Variants in ASB2 observed in about 807,000 individuals in gnomAD.
ASB2 encodes the protein ankyrin repeat and SOCS box containing 2.
ASB2 carries 58 observed loss-of-function variants against 62.4 expected under a neutral mutation model. The ratio of observed to expected loss-of-function variants is 0.93; its 90% CI spans 0.75 to 1.16. The LOEUF (loss-of-function observed/expected upper bound fraction) is 1.16. ASB2 is among the 50% of genes most tolerant of loss of function. The pLI is 0.00. For missense variants in ASB2, 928 were observed against 887.9 expected (o/e 1.05, Z -0.57); for synonymous variants, 386 against 385.3 (o/e 1.00, Z -0.02).
At position 93,939,349 on chromosome 14, in the gene ASB2, A is replaced by AGCT; in HGVS notation, c.1373_1375dup (p.Gln458dup). On this transcript the variant is annotated inframe_insertion, in exon 8 of 10. Transcript: ENST00000555019. The stretch of plus-strand genomic sequence containing the variant: ...GATGTTCGCGCCGTGGTCCAGCAGC[A>AGCT]GCTGCATTGTGCGCAGGCAGCCGTG... 1 of 1,612,530 alleles carries AGCT rather than the reference A, an allele frequency of 6.2e-7. No individual in the cohort carries two copies.
chr14:93,936,493 A>G (rs990218705), intron 9 of ASB2, among the ~76,000 whole-genome samples: 6 of 152,204 alleles, frequency 3.9e-5, no homozygotes, highest in Admixed American at 2.0e-4. Flanking sequence ...CTAATTATTC[A>G]TTAGTTCCCT....
intron 2 of ASB2, among the ~76,000 whole-genome samples, chr14:93,961,841 A>G (rs971521554): frequency 6.6e-6 from 1 of 152,194 alleles, no homozygotes; most frequent in Non-Finnish European, 1.5e-5. Context: ...TAATGAGGTC[A>G]AAACTTCACC....
chr14:93,951,205 A>G lies in ASB2; in HGVS notation c.674T>C (p.Val225Ala), dbSNP rs753479553. Residue 225 changes from valine (V) to alanine (A), a missense_variant, in exon 6 of 10, where the codon GTG becomes GCG. By Grantham distance (64) the Val-to-Ala change is moderately conservative. Transcript: ENST00000555019. ...GTGGTTGGTGTCTGCATTGTGCTGCACCAGAATCTTCACGGCCTCCGCGTT... is the reference window on the plus strand; with the variant it reads ...GTGGTTGGTGTCTGCATTGTGCTGCGCCAGAATCTTCACGGCCTCCGCGTT... ...RKNAEAVKILVQHNADTNHRC... is the reference protein window; with the variant it reads ...RKNAEAVKILAQHNADTNHRC... The G allele has an allele frequency of 6.2e-6, 10 of 1,610,606 alleles. No individual in the cohort carries two copies. The South Asian group carries it at 9.9e-5, about 16-fold the overall frequency.
At position 93,937,740 on chromosome 14, in the gene ASB2, T is replaced by C. The variant is rs1888321255; in HGVS notation, c.1729A>G (p.Ile577Val). 1.2e-6 allele frequency: 2 copies of C among 1,612,868 alleles called. No homozygotes were observed. The highest frequency in any genetic ancestry group is 2.2e-5 in the South Asian group (2 of 91,062). ...ACGGCCCAGTCCTCAAAGCTGTCGA[T>C]GTGTTCCTTCAGCCGCGAGCAGAGC... is the stretch of plus-strand genomic sequence containing the variant. The part of the protein sequence containing the change: ...VQLCSRLKEH[I>V]DSFEDWAVIK... The change falls in exon 9 of 10, where the codon ATC (isoleucine) becomes GTC (valine). Residue 577 changes from isoleucine to valine, a missense_variant. Ile to Val is a conservative substitution (Grantham distance 29, BLOSUM62 3). Coordinates refer to ENST00000555019, the MANE Select transcript of ASB2 (RefSeq NM_001202429.2).
At chr14:93,962,634 C>T (rs964762797) in intron 2 of ASB2, among the ~76,000 whole-genome samples, 1 of 152,190 alleles carries the variant, frequency 6.6e-6, no homozygotes, top group African/African-American at 2.4e-5. Flanking sequence ...TTTCCTTACC[C>T]TCCAGATGAA....
intron 5 of ASB2, 97 bp downstream of exon 5, chr14:93,953,255 T>C: frequency 3.7e-6 from 4 of 1,095,566 alleles, no homozygotes; most frequent in South Asian, 1.8e-5. Flanking sequence ...CAGGGCCACG[T>C]TGGGGGTTAT....
At chr14:93,953,247 G>C in intron 5 of ASB2, 105 bp downstream of exon 5, 1 of 1,008,368 alleles carries the variant, frequency 9.9e-7, no homozygotes, top group South Asian at 1.9e-5. Flanking sequence ...CATTTGAGCA[G>C]GGCCACGTTG....
chr14:93,949,289 G>C (rs767600142), intron 6 of ASB2, among the ~76,000 whole-genome samples: 1 of 152,312 alleles, frequency 6.6e-6, no homozygotes, highest in South Asian at 2.1e-4. Context: ...CTGATCCAGC[G>C]GAAACAGCAC....
chr14:93,969,235 C>T (rs555161932), intron 1 of ASB2, among the ~76,000 whole-genome samples: 4 of 152,278 alleles, frequency 2.6e-5, no homozygotes, highest in African/African-American at 7.2e-5. Flanking sequence ...CGGATGCAGT[C>T]GTAGGCTGGT....
At chr14:93,950,956 G>A in intron 6 of ASB2, 43 bp downstream of exon 6, 1 of 1,582,282 alleles carries the variant, frequency 6.3e-7, no homozygotes, top group Non-Finnish European at 8.6e-7. Context: ...CTTCCCGTGT[G>A]CCCTTTGGGG....
At chr14:93,970,887 A>G (rs1567033773) in intron 1 of ASB2, among the ~76,000 whole-genome samples, 1 of 152,198 alleles carries the variant, frequency 6.6e-6, no homozygotes, top group African/African-American at 2.4e-5. Context: ...AAATTAGGTG[A>G]CAGGTATAAA....
At position 93,942,336 on chromosome 14, in the gene ASB2, G is replaced by A. The variant is rs377638684; in HGVS notation, c.1053-2664C>T. The A allele has an allele frequency of 1.9e-4, 88 of 453,184 alleles. No individual in the cohort carries two copies. The East Asian group carries it at 5.3e-3, about 27-fold the overall frequency. 28.1% of individuals were successfully genotyped at this position (453,184 alleles called of 1,614,324 possible). Reference sequence around the variant, plus strand: ...CCTTCCTTGTCCCCTCCCCAATGCAGAGGCCACAACTACCAGCTTAGCCTT... The same window carrying A: ...CCTTCCTTGTCCCCTCCCCAATGCAAAGGCCACAACTACCAGCTTAGCCTT... On this transcript the variant is annotated intron_variant, in intron 7 of 9. Transcript: ENST00000555019.
chr14:93,939,315 A>G lies in ASB2; in HGVS notation c.1410T>C (p.Tyr470=). The G allele has an allele frequency of 6.2e-7, 1 of 1,610,352 alleles. No individual in the cohort carries two copies. Residue 470 remains tyrosine (Y), a synonymous_variant, in exon 8 of 10, where the codon TAT becomes TAC. Transcript: ENST00000555019. ...LLDHGANIDA[Y]IATHPTAFPA... ...GGAAGGCGGTGGGGTGCGTGGCGAT[A>G]TAGGCGTCGATGTTCGCGCCGTGGT...
At chr14:93,954,105 C>T in intron 4 of ASB2, 3 of 583,384 alleles carry the variant, frequency 5.1e-6, no homozygotes, top group South Asian at 2.1e-5. Flanking sequence ...TTAGGCTCTC[C>T]TGTCCTTGGA....
intron 1 of ASB2, chr14:93,969,772 G>A (rs1642779693): frequency 6.6e-6 from 1 of 152,258 alleles, no homozygotes; most frequent in South Asian, 2.1e-4. Flanking sequence ...GCCTTCAGGA[G>A]TGCCTCTCCT....
intron 7 of ASB2, among the ~76,000 whole-genome samples, chr14:93,944,574 C>G (rs578047757): frequency 6.6e-6 from 1 of 152,308 alleles, no homozygotes; most frequent in African/African-American, 2.4e-5. Context: ...GCTGTATGCC[C>G]AGGGAGGGAG....
intron 2 of ASB2, among the ~76,000 whole-genome samples, chr14:93,961,164 A>G (rs1889397471): frequency 6.6e-6 from 1 of 152,146 alleles, no homozygotes. Flanking sequence ...AGATGTGGGA[A>G]GGCTCCAACG....
chr14:93,946,181 C>T (rs2141283052), intron 7 of ASB2, among the ~76,000 whole-genome samples: 1 of 152,222 alleles, frequency 6.6e-6, no homozygotes, highest in South Asian at 2.1e-4. Flanking sequence ...AAGTCCTAGC[C>T]CTGGGGACGG....
At chr14:93,968,937 A>G (rs940240384) in intron 1 of ASB2, among the ~76,000 whole-genome samples, 2 of 152,234 alleles carry the variant, frequency 1.3e-5, no homozygotes, top group African/African-American at 4.8e-5. Context: ...TACTTGAGAG[A>G]GAGGGACTCT....
Sources: allele counts gnomAD v4.1 joint callset (sites outside exome capture counted in the v4.1 genomes callset), GRCh38; gene constraint gnomAD v4.1.1; transcripts MANE v1.5; gene names NCBI Gene and HGNC (gene_info 2026-07-23, HGNC 2026-07-21).